PCDH15: variants seen among roughly 807,000 people sequenced by gnomAD.
PCDH15 encodes protocadherin-15.
In PCDH15, 129 loss-of-function variants were observed where a neutral mutation model predicts 178.5. The ratio of observed to expected loss-of-function variants is 0.72; its 90% CI spans 0.63 to 0.84. PCDH15 has a LOEUF of 0.84. Among genes scored for constraint, PCDH15 ranks in the 40% least tolerant of loss-of-function variants. PCDH15 has a pLI of 0.00. For missense variants in PCDH15, 2,230 were observed against 2,099.9 expected, an observed-to-expected ratio of 1.06 and a Z score of -1.21; for synonymous variants, 800 against 732.0, an observed-to-expected ratio of 1.09 and a Z score of -1.50.
At chr10:55,389,426 T>A (rs1456320643) in intron 2 of PCDH15, among the ~76,000 whole-genome samples, 2 of 152,156 alleles carry the variant, frequency 1.3e-5, no homozygotes, top group Non-Finnish European at 2.9e-5. Context: ...AGTTTCACCA[T>A]CTAAACTTTT....
At chr10:54,111,710 C>A (rs2095026493) in intron 15 of PCDH15, among the ~76,000 whole-genome samples, 2 of 152,050 alleles carry the variant, frequency 1.3e-5, no homozygotes, top group Admixed American at 6.6e-5. Flanking sequence ...TGATAGAAAT[C>A]TAAAAGCACA....
At chr10:54,744,636 C>G (rs1390438276) in intron 1 of PCDH15, among the ~76,000 whole-genome samples, 2 of 152,000 alleles carry the variant, frequency 1.3e-5, no homozygotes, top group African/African-American at 4.8e-5. Context: ...ACAAAGAAAA[C>G]TTATAGAATG....
intron 26 of PCDH15, among the ~76,000 whole-genome samples, chr10:53,882,633 G>A (rs1209619687): frequency 1.3e-5 from 2 of 152,146 alleles, no homozygotes; most frequent in African/African-American, 2.4e-5. Flanking sequence ...AAAGTGCTGG[G>A]ATTACAGGTG....
At chr10:54,495,774 T>G (rs549724247) in intron 3 of PCDH15, among the ~76,000 whole-genome samples, 22 of 152,322 alleles carry the variant, frequency 1.4e-4, no homozygotes, top group African/African-American at 5.0e-4. Context: ...ACTTTAGTTT[T>G]CTACTCTTTG....
chr10:55,553,188 C>G (rs1363279619), intron 2 of PCDH15, among the ~76,000 whole-genome samples: 1 of 150,392 alleles, frequency 6.6e-6, no homozygotes, highest in Non-Finnish European at 1.5e-5. Flanking sequence ...TTCATTTACT[C>G]TTTTCTACCG....
chr10:55,310,713 T>C (rs1281663987), intron 1 of PCDH15, among the ~76,000 whole-genome samples: 1 of 152,180 alleles, frequency 6.6e-6, no homozygotes, highest in Non-Finnish European at 1.5e-5. Flanking sequence ...GAGTTCATCA[T>C]ATCCTTTTCA....
intron 23 of PCDH15, among the ~76,000 whole-genome samples, chr10:53,947,329 T>G (rs1229459055): frequency 6.6e-6 from 1 of 152,194 alleles, no homozygotes; most frequent in Non-Finnish European, 1.5e-5. Context: ...ATAAAGCTTC[T>G]AATTATTTTA....
intron 8 of PCDH15, among the ~76,000 whole-genome samples, chr10:54,239,724 T>G (rs930445248): frequency 6.6e-6 from 1 of 152,016 alleles, no homozygotes; most frequent in Non-Finnish European, 1.5e-5. Context: ...AAAGAAATGG[T>G]GTGGTTTAAA....
intron 9 of PCDH15, among the ~76,000 whole-genome samples, chr10:54,219,245 A>G (rs1453391958): frequency 6.9e-6 from 1 of 144,994 alleles, no homozygotes; most frequent in Non-Finnish European, 1.5e-5. Context: ...ACTGCACTCC[A>G]GCCTGGGTGA....
chr10:54,495,160 C>A (rs1461799165), intron 3 of PCDH15, among the ~76,000 whole-genome samples: 2 of 151,950 alleles, frequency 1.3e-5, no homozygotes, highest in African/African-American at 4.8e-5. Flanking sequence ...GGTCTATGAT[C>A]CCCAGAAAGC....
chr10:55,221,504 C>G (rs968716090), intron 1 of PCDH15, among the ~76,000 whole-genome samples: 4 of 152,040 alleles, frequency 2.6e-5, no homozygotes, highest in Non-Finnish European at 5.9e-5. Context: ...CATGGCTAGA[C>G]AAATAGAATC....
intron 21 of PCDH15, among the ~76,000 whole-genome samples, chr10:53,985,028 G>A (rs1175631434): frequency 1.3e-5 from 2 of 152,124 alleles, no homozygotes; most frequent in Non-Finnish European, 2.9e-5. Flanking sequence ...TTAGCCATGC[G>A]TCCCTGCAGA....
intron 2 of PCDH15, among the ~76,000 whole-genome samples, chr10:55,161,914 A>G (rs1384175506): frequency 4.6e-5 from 7 of 152,112 alleles, no homozygotes; most frequent in Admixed American, 1.3e-4. Context: ...TTATTCTAGT[A>G]ATTTTCTAGG....
intron 2 of PCDH15, among the ~76,000 whole-genome samples, chr10:55,159,212 C>T (rs191834369): frequency 2.0e-5 from 3 of 151,602 alleles, no homozygotes; most frequent in African/African-American, 4.8e-5. Context: ...AAAATTAAAT[C>T]TAAAAAGCTG....
At chr10:54,092,492 A>G (rs1030974910) in intron 15 of PCDH15, among the ~76,000 whole-genome samples, 2 of 152,198 alleles carry the variant, frequency 1.3e-5, no homozygotes, top group Non-Finnish European at 2.9e-5. Context: ...AATCAAAAAA[A>G]GTAAATGAAG....
chr10:55,422,923 A>C (rs1838658491), intron 2 of PCDH15, among the ~76,000 whole-genome samples: 1 of 151,956 alleles, frequency 6.6e-6, no homozygotes, highest in Non-Finnish European at 1.5e-5. Context: ...ACAAAGGGAA[A>C]ATAATAACAT....
intron 1 of PCDH15, among the ~76,000 whole-genome samples, chr10:55,309,340 A>ACCCCACCTTT (rs1391481294): frequency 2.6e-5 from 4 of 151,948 alleles, no homozygotes; most frequent in Admixed American, 2.6e-4. Flanking sequence ...ACAAAGCAAG[A>ACCCCACCTTT]CCCCACCTTT....
intron 1 of PCDH15, among the ~76,000 whole-genome samples, chr10:54,785,823 TA>T (rs1436662338): frequency 6.6e-6 from 1 of 151,988 alleles, no homozygotes; most frequent in Non-Finnish European, 1.5e-5. Context: ...TGCTTGACTC[TA>T]AATCCTCACT....
intron 28 of PCDH15, among the ~76,000 whole-genome samples, chr10:53,844,452 T>G (rs897735858): frequency 2.0e-5 from 3 of 151,854 alleles, no homozygotes; most frequent in African/African-American, 7.2e-5. Context: ...AAGCAAAACT[T>G]TGACCAAAAA....
Sources: gnomAD v4.1 joint callset for allele counts (sites outside exome capture counted in the v4.1 genomes callset) on GRCh38, gnomAD v4.1.1 for gene constraint, MANE v1.5 for transcripts, NCBI Gene and HGNC (gene_info 2026-07-23, HGNC 2026-07-21) for gene names.